Variants in CDK2 observed in about 807,000 individuals in gnomAD.
The protein encoded by CDK2 is cyclin-dependent kinase 2.
CDK2 carries 8 observed loss-of-function variants against 35.0 expected under a neutral mutation model. That is an observed-to-expected ratio of 0.23 (90% CI 0.13 to 0.41). The LOEUF (loss-of-function observed/expected upper bound fraction) is 0.41. Among genes scored for constraint, CDK2 ranks in the 10% least tolerant of loss-of-function variants. CDK2 has a pLI of 1.00. For synonymous variants in CDK2, 134 were observed against 137.7 expected, an observed-to-expected ratio of 0.97 and a Z score of 0.19; for missense variants, 201 against 367.1, an observed-to-expected ratio of 0.55 and a Z score of 3.70.
Position 55,969,483 on chromosome 12 carries a change from C to T in CDK2, c.495C>T (p.Thr165=), listed in dbSNP as rs759554573. 3.1e-6 allele frequency: 5 copies of T among 1,603,538 alleles called. No individual in the cohort carries two copies. The highest frequency in any genetic ancestry group is 4.3e-6 in the Non-Finnish European group (5 of 1,173,562). The change falls in exon 5 of 7, where the codon ACC becomes ACT. Residue 165 remains threonine, a synonymous_variant. Coordinates refer to ENST00000266970, the MANE Select transcript of CDK2 (RefSeq NM_001798.5). ...PVRTYTHEVV[T]LWYRAPEILL... is the part of the protein sequence containing the mutation. ...CTATTCCCGTCCCTCAGGTGGTGACCCTGTGGTACCGAGCTCCTGAAATCC... is the reference window on the plus strand; with the variant it reads ...CTATTCCCGTCCCTCAGGTGGTGACTCTGTGGTACCGAGCTCCTGAAATCC...
In CDK2 at chr12:55,967,320, G is replaced by A. The variant is rs539412785; in HGVS notation, c.116+196G>A. On this transcript the variant is annotated intron_variant, in intron 1 of 6. Transcript: ENST00000266970. ...CCCTGGGGAGAGTATAGGGTGGTGT[G>A]GAATCCATGGAAAACTTTCTTCCCA... The A allele has an allele frequency of 2.1e-4, 116 of 565,336 alleles. 1 individual carries two copies. The East Asian group carries it at 2.5e-3, about 12-fold the overall frequency. The allele number at this position is 565,336 out of a possible 1,614,324, so 35.0% of individuals were successfully genotyped here. A position where few individuals can be genotyped will look rare whatever the true frequency, so the allele number is the denominator to read the frequency against.
At chr12:55,969,692 C>T in intron 5 of CDK2, 116 bp downstream of exon 5, 1 of 532,516 alleles carries the variant, frequency 1.9e-6, no homozygotes, top group Non-Finnish European at 3.4e-6. Context: ...GGTTCTCTCT[C>T]TAAAGTAGCA....
chr12:55,970,635 G>A (rs1889447989), intron 5 of CDK2: 1 of 702,202 alleles, frequency 1.4e-6, no homozygotes, highest in African/African-American at 1.7e-5. Context: ...AGGTGCTGTG[G>A]GGAACACAGA....
At position 55,971,091 on chromosome 12, in the gene CDK2, C is replaced by G. The variant is rs774760142; in HGVS notation, c.636C>G (p.Leu212=). ...LFPGDSEIDQ[L]FRIFRTLGTP... Reference sequence around the variant, plus strand: ...CTGGAGATTCTGAGATTGACCAGCTCTTCCGGATCTTTCGGACTCTGGGGA... The same window carrying G: ...CTGGAGATTCTGAGATTGACCAGCTGTTCCGGATCTTTCGGACTCTGGGGA... Residue 212 remains leucine, a synonymous_variant, in exon 6 of 7, where the codon CTC becomes CTG. Transcript: ENST00000266970. 1.2e-6 allele frequency: 2 copies of G among 1,614,060 alleles called. No individual in the cohort carries two copies. Among genetic ancestry groups the G allele is most frequent in the Non-Finnish European group, 8.5e-7 (1 of 1,180,044 alleles).
chr12:55,967,789 T>A (rs1889368788), intron 1 of CDK2, 68 bp from the exon 2 acceptor site: 4 of 1,347,426 alleles, frequency 3.0e-6, no homozygotes, highest in Non-Finnish European at 4.3e-6. Flanking sequence ...GGGAAAGAAA[T>A]GACTAGGTGG....
In CDK2 at chr12:55,966,893, G is replaced by A. The variant is rs1174844934; in HGVS notation, c.-116G>A. ...ATACTGCGTTCCATCCCGACCCGGG[G>A]CCACGGTACTGGGCCCTGTTTCCCC... On this transcript the variant is annotated 5_prime_UTR_variant, in exon 1 of 7. Transcript: ENST00000266970. 1.1e-6 allele frequency: 1 copy of A among 945,124 alleles called. No homozygotes were observed. Among genetic ancestry groups the A allele is most frequent in the East Asian group, 2.6e-5 (1 of 38,054 alleles). 58.5% of individuals were successfully genotyped at this position (945,124 alleles called of 1,614,324 possible).
intron 4 of CDK2, 97 bp downstream of exon 4, chr12:55,969,045 C>T: frequency 1.1e-6 from 1 of 925,682 alleles, no homozygotes; most frequent in South Asian, 1.8e-5. Flanking sequence ...CAGTTTCTTA[C>T]TAGGTAGAAA....
chr12:55,967,501 C>T (rs1406786192), intron 1 of CDK2: 8 of 428,676 alleles, frequency 1.9e-5, no homozygotes, highest in African/African-American at 7.9e-5. Flanking sequence ...ACTGCCCCAC[C>T]CTCACCTTAG....
intron 1 of CDK2, 100 bp from the exon 2 acceptor site, chr12:55,967,757 G>C: frequency 1.1e-6 from 1 of 931,798 alleles, no homozygotes; most frequent in South Asian, 1.3e-5. Flanking sequence ...TTCCTAGGGG[G>C]TGCTGGGTGG....
In CDK2 at chr12:55,971,635, T is replaced by TC. The variant is rs747730518; in HGVS notation, c.*10_*11insC. 1 of 1,588,004 alleles carries TC rather than the reference T, an allele frequency of 6.3e-7. No individual in the cohort carries two copies. The highest frequency in any genetic ancestry group is 8.6e-7 in the Non-Finnish European group (1 of 1,156,090). On this transcript the variant is annotated 3_prime_UTR_variant, in exon 7 of 7. Coordinates refer to ENST00000266970, the MANE Select transcript of CDK2 (RefSeq NM_001798.5). ...CCATCTTCGACTCTGATAGCCTTCTTGAAGCCCCCAGCCCTAATCTCACCC... is the reference window on the plus strand; with the variant it reads ...CCATCTTCGACTCTGATAGCCTTCTTCGAAGCCCCCAGCCCTAATCTCACCC...
chr12:55,971,496 A>C, intron 6 of CDK2, 25 bp from the exon 7 acceptor site: 1 of 1,549,324 alleles, frequency 6.5e-7, no homozygotes, highest in Non-Finnish European at 8.9e-7. Flanking sequence ...ACATCATTGA[A>C]GTCAACATGC....
rs768027141 is a variant in CDK2 at position 55,971,112 on chromosome 12, G to A, written c.657G>A (p.Leu219=). The A allele has an allele frequency of 3.1e-6, 5 of 1,614,114 alleles. No individual in the cohort carries two copies. In the South Asian group the frequency reaches 5.5e-5, roughly 18 times the overall value. The part of the protein sequence containing the change: ...IDQLFRIFRT[L]GTPDEVVWPG... ...AGCTCTTCCGGATCTTTCGGACTCTGGGGACCCCAGATGAGGTGGTGTGGC... is the reference window on the plus strand; with the variant it reads ...AGCTCTTCCGGATCTTTCGGACTCTAGGGACCCCAGATGAGGTGGTGTGGC... Residue 219 remains leucine (L), a synonymous_variant, in exon 6 of 7, where the codon CTG becomes CTA. Coordinates refer to ENST00000266970, the MANE Select transcript of CDK2 (RefSeq NM_001798.5).
intron 3 of CDK2, 36 bp downstream of exon 3, chr12:55,968,205 T>C (rs761831055): frequency 1.9e-6 from 3 of 1,610,332 alleles, no homozygotes; most frequent in Non-Finnish European, 2.5e-6. Context: ...ATCATGGGCA[T>C]GTCTTGGGGG....
rs777681151 is a variant in CDK2, at chr12:55,969,459, T to C, written c.487-16T>C. On this transcript the variant is annotated splice_polypyrimidine_tract_variant and intron_variant, in intron 4 of 6. Transcript: ENST00000266970. ...CCCTATAAACCACCCCGCCCCTCCCTATTCCCGTCCCTCAGGTGGTGACCC... is the reference window on the plus strand; with the variant it reads ...CCCTATAAACCACCCCGCCCCTCCCCATTCCCGTCCCTCAGGTGGTGACCC... 2.0e-6 allele frequency: 3 copies of C among 1,490,296 alleles called. No homozygotes were observed. The highest frequency in any genetic ancestry group is 1.2e-5 in the South Asian group (1 of 86,692). 92.3% of individuals were successfully genotyped at this position (1,490,296 alleles called of 1,614,324 possible). A position where few individuals can be genotyped will look rare whatever the true frequency, so the allele number is the denominator to read the frequency against.
intron 5 of CDK2, chr12:55,969,896 G>C (rs1889429742): frequency 5.3e-6 from 1 of 189,710 alleles, no homozygotes; most frequent in Admixed American, 6.1e-5. Flanking sequence ...TTTTATTTCA[G>C]GCCTTCATTT....
Position 55,971,554 on chromosome 12 carries a change from T to C in CDK2, c.826T>C (p.Ser276Pro), listed in dbSNP as rs1889474172. ...GCACTACGACCCTAACAAGCGGATT[T>C]CGGCCAAGGCAGCCCTGGCTCACCC... ...MLHYDPNKRI[S>P]AKAALAHPFF... Residue 276 changes from serine to proline, a missense_variant, in exon 7 of 7, where the codon TCG (serine) becomes CCG (proline). Physicochemically the swap from Ser to Pro is moderately conservative, Grantham distance 74. Coordinates refer to ENST00000266970, the MANE Select transcript of CDK2 (RefSeq NM_001798.5). The C allele has an allele frequency of 6.2e-7, 1 of 1,614,162 alleles. No homozygotes were observed. The highest frequency in any genetic ancestry group is 1.3e-5 in the African/African-American group (1 of 75,048).
Position 55,967,086 on chromosome 12 carries a change from G to A in CDK2, c.78G>A (p.Thr26=), listed in dbSNP as rs936706017. The A allele has an allele frequency of 6.2e-6, 10 of 1,613,788 alleles. No individual in the cohort carries two copies. The African/African-American group carries it at 1.2e-4, about 19-fold the overall frequency. Reference sequence around the variant, plus strand: ...TGTACAAAGCCAGAAACAAGTTGACGGGAGAGGTGGTGGCGCTTAAGAAAA... The same window carrying A: ...TGTACAAAGCCAGAAACAAGTTGACAGGAGAGGTGGTGGCGCTTAAGAAAA... The part of the protein sequence containing the change: ...GVVYKARNKL[T]GEVVALKKIR... Residue 26 remains threonine, a synonymous_variant, in exon 1 of 7, where the codon ACG becomes ACA. Transcript: ENST00000266970.
intron 3 of CDK2, 58 bp downstream of exon 3, chr12:55,968,227 G>A: frequency 6.3e-7 from 1 of 1,597,074 alleles, no homozygotes; most frequent in East Asian, 2.2e-5. Context: ...CTGGTGGCAG[G>A]CAATTCAGGG....
chr12:55,970,801 C>G (rs1889452893), intron 5 of CDK2: 1 of 696,578 alleles, frequency 1.4e-6, no homozygotes, highest in South Asian at 1.5e-5. Context: ...TCACCCCCTC[C>G]CAGACCCACC....
Sources: gnomAD v4.1 joint callset for allele counts on GRCh38, gnomAD v4.1.1 for gene constraint, MANE v1.5 for transcripts, NCBI Gene and HGNC (gene_info 2026-07-23, HGNC 2026-07-21) for gene names.